CFAP69: variants seen among roughly 807,000 people sequenced by gnomAD.
CFAP69 encodes cilia and flagella associated protein 69, also known as cilia- and flagella-associated protein 69.
CFAP69 carries 92 observed loss-of-function variants against 123.0 expected under a neutral mutation model. That is an observed-to-expected ratio of 0.75 (90% CI 0.63 to 0.89). The LOEUF is 0.89. Among genes scored for constraint, CFAP69 ranks in the 40% least tolerant of loss-of-function variants. CFAP69 has a pLI of 0.00. For synonymous variants in CFAP69, 380 were observed against 364.3 expected, an observed-to-expected ratio of 1.04 and a Z score of -0.49; for missense variants, 1,067 against 1,096.9, an observed-to-expected ratio of 0.97 and a Z score of 0.39.
In CFAP69 at chr7:90,288,221, ATATCT is replaced by A; in HGVS notation, c.1657-10_1657-6del. 5.0e-6 allele frequency: 8 copies of A among 1,585,912 alleles called. No homozygotes were observed. The highest frequency in any genetic ancestry group is 6.9e-6 in the Non-Finnish European group (8 of 1,158,350). On this transcript the variant is annotated splice_region_variant and splice_polypyrimidine_tract_variant and intron_variant, in intron 14 of 22. Transcript: ENST00000389297. ...TATTTCAAGAAATAATTTAAAACAA[ATATCT>A]TAAACAGGAAATTTTCGGAACTGAA...
At chr7:90,316,625 T>C in the CFAP69 span, 1 of 152,218 alleles carries the variant, frequency 6.6e-6, no homozygotes, top group Non-Finnish European at 1.5e-5. Flanking sequence ...AAAGAAAAAG[T>C]TTTTTTATAT....
chr7:90,256,587 A>C (rs1183122515), intron 2 of CFAP69, among the ~76,000 whole-genome samples: 1 of 152,270 alleles, frequency 6.6e-6, no homozygotes, highest in East Asian at 1.9e-4. Flanking sequence ...AAAAGAAAAC[A>C]ATGTCCTATG....
chr7:90,277,467 T>C (rs1003036037), intron 11 of CFAP69, 133 bp downstream of exon 11: 1 of 715,720 alleles, frequency 1.4e-6, no homozygotes, highest in African/African-American at 1.8e-5. Flanking sequence ...CTTACTGGCC[T>C]GAATTTTAGC....
chr7:90,297,506 A>G (rs1792165722), intron 15 of CFAP69, among the ~76,000 whole-genome samples: 1 of 152,226 alleles, frequency 6.6e-6, no homozygotes, highest in Non-Finnish European at 1.5e-5. Context: ...AGAATGTTTT[A>G]TTTGTAGGAA....
Position 90,299,869 on chromosome 7 carries a change from G to T in CFAP69, c.1860G>T (p.Leu620Phe). ...CCTTTTCTGTTTCCTTGCTAAAGTTGAACCAAAAAAAATTCTGTAATCTAA... is the reference window on the plus strand; with the variant it reads ...CCTTTTCTGTTTCCTTGCTAAAGTTTAACCAAAAAAAATTCTGTAATCTAA... ...GIFLLLDLLA[L>F]NQKKFCNLIL... is the part of the protein sequence containing the mutation. The change falls in exon 17 of 23, where the codon TTG becomes TTT. Residue 620 changes from leucine (L) to phenylalanine (F), a missense_variant and splice_region_variant. Leu to Phe is a conservative substitution (Grantham distance 22). Coordinates refer to ENST00000389297, the MANE Select transcript of CFAP69 (RefSeq NM_001039706.3). 6.3e-7 allele frequency: 1 copy of T among 1,589,666 alleles called. No homozygotes were observed. Among genetic ancestry groups the T allele is most frequent in the Non-Finnish European group, 8.6e-7 (1 of 1,169,236 alleles).
chr7:90,263,935 A>G (rs757281473), intron 4 of CFAP69, among the ~76,000 whole-genome samples: 5 of 150,146 alleles, frequency 3.3e-5, no homozygotes, highest in Admixed American at 6.6e-5. Context: ...TTAAAAATGC[A>G]AAAAAAATAG....
At chr7:90,264,441 T>C (rs1798846571) in intron 4 of CFAP69, among the ~76,000 whole-genome samples, 1 of 152,046 alleles carries the variant, frequency 6.6e-6, no homozygotes, top group African/African-American at 2.4e-5. Context: ...ATTTTGTGGA[T>C]AGTTACTAAC....
chr7:90,255,361 G>C lies in CFAP69; in HGVS notation c.121-62G>C, dbSNP rs560749814. The C allele has an allele frequency of 9.4e-5, 122 of 1,295,140 alleles. No individual in the cohort carries two copies. In the African/African-American group the frequency reaches 1.7e-3, roughly 18 times the overall value. The allele number at this position is 1,295,140 out of a possible 1,614,324, so 80.2% of individuals were successfully genotyped here. On this transcript the variant is annotated intron_variant, in intron 1 of 22. Coordinates refer to ENST00000389297, the MANE Select transcript of CFAP69 (RefSeq NM_001039706.3). Reference sequence around the variant, plus strand: ...GGGAAAGTATCATATAAATTAGTGTGTTAGATATGACTTATTGATATAGAA... The same window carrying C: ...GGGAAAGTATCATATAAATTAGTGTCTTAGATATGACTTATTGATATAGAA...
chr7:90,285,449 T>C (rs1031487773), intron 13 of CFAP69, among the ~76,000 whole-genome samples: 2 of 152,158 alleles, frequency 1.3e-5, no homozygotes, highest in African/African-American at 4.8e-5. Context: ...AAAATCCTTT[T>C]TGAGGCAAAA....
intron 15 of CFAP69, among the ~76,000 whole-genome samples, chr7:90,291,281 T>C (rs1324294241): frequency 2.0e-5 from 3 of 152,164 alleles, no homozygotes; most frequent in African/African-American, 4.8e-5. Context: ...CTCCCCTTTA[T>C]AGAACATATA....
the CFAP69 span, chr7:90,322,291 G>C: frequency 6.6e-6 from 1 of 152,190 alleles, no homozygotes; most frequent in Non-Finnish European, 1.5e-5. Context: ...GGATTAGGTA[G>C]GATATACACG....
intron 1 of CFAP69, among the ~76,000 whole-genome samples, chr7:90,250,628 G>A (rs1796905943): frequency 6.6e-6 from 1 of 152,156 alleles, no homozygotes; most frequent in Admixed American, 6.5e-5. Flanking sequence ...AAGGTTTTGT[G>A]AATGCTTTTA....
At chr7:90,260,334 T>A (rs1798156231) in intron 3 of CFAP69, among the ~76,000 whole-genome samples, 1 of 151,794 alleles carries the variant, frequency 6.6e-6, no homozygotes, top group Non-Finnish European at 1.5e-5. Flanking sequence ...GAAACCAGCC[T>A]GGGCAACATA....
chr7:90,279,957 A>G, intron 12 of CFAP69, 64 bp downstream of exon 12: 1 of 1,198,424 alleles, frequency 8.3e-7, no homozygotes, highest in Admixed American at 2.7e-5. Flanking sequence ...AATGCTCAGT[A>G]TATGCATAGA....
At chr7:90,271,322 A>AT (rs1799918545) in intron 6 of CFAP69, among the ~76,000 whole-genome samples, 2 of 152,146 alleles carry the variant, frequency 1.3e-5, no homozygotes, top group African/African-American at 4.8e-5. Context: ...AGTTGGCAAG[A>AT]AACCTTATAA....
At chr7:90,288,167 T>C (rs1176665216) in intron 14 of CFAP69, 67 bp from the exon 15 acceptor site, 6 of 1,318,512 alleles carry the variant, frequency 4.6e-6, no homozygotes, top group East Asian at 4.9e-5. Context: ...AGGGGACCGA[T>C]AAAGTAGGAA....
At chr7:90,303,848 T>G in intron 17 of CFAP69, 121 bp from the exon 18 acceptor site, 1 of 1,286,486 alleles carries the variant, frequency 7.8e-7, no homozygotes, top group Admixed American at 3.4e-5. Context: ...ATAGGCACTA[T>G]TTTTTTGCTA....
rs140889795 is a variant in CFAP69, at chr7:90,249,469, C to A, written c.120+3925C>A. Among the ~76,000 whole-genome samples the A allele has an allele frequency of 7.9e-3, 1,203 of 152,224 alleles. 6 individuals are homozygous for A. Among genetic ancestry groups the A allele is most frequent in the South Asian group, 0.022 (108 of 4,814 alleles). On this transcript the variant is annotated intron_variant, in intron 1 of 22. Coordinates refer to ENST00000389297, the MANE Select transcript of CFAP69 (RefSeq NM_001039706.3). ...AAACCTACCAAATAGGAAGATAGTT[C>A]TCAGATTGTTTTTCTAGTATTAATC... is the stretch of plus-strand genomic sequence containing the variant.
intron 15 of CFAP69, 23 bp from the exon 16 acceptor site, chr7:90,297,726 G>A: frequency 6.9e-7 from 1 of 1,439,024 alleles, no homozygotes; most frequent in Non-Finnish European, 9.6e-7. Flanking sequence ...TTTGTCAAAT[G>A]AATAACTTTC....
Sources: allele counts gnomAD v4.1 joint callset (sites outside exome capture counted in the v4.1 genomes callset), GRCh38; gene constraint gnomAD v4.1.1; transcripts MANE v1.5; gene names NCBI Gene and HGNC (gene_info 2026-07-23, HGNC 2026-07-21).